LRRTM4: variants seen among roughly 807,000 people sequenced by gnomAD.
LRRTM4 encodes leucine rich repeat transmembrane neuronal 4, also known as leucine-rich repeat transmembrane neuronal protein 4.
LRRTM4 carries 25 observed loss-of-function variants against 47.6 expected under a neutral mutation model. The observed-to-expected ratio is 0.53, with a 90% CI of 0.38 to 0.73. The LOEUF is 0.73. Among genes scored for constraint, LRRTM4 ranks in the 30% least tolerant of loss-of-function variants. LRRTM4 has a pLI of 0.00. For synonymous variants in LRRTM4, 311 were observed against 269.5 expected, an observed-to-expected ratio of 1.15 and a Z score of -1.51; for missense variants, 638 against 713.4, an observed-to-expected ratio of 0.89 and a Z score of 1.20.
intron 3 of LRRTM4, among the ~76,000 whole-genome samples, chr2:77,314,054 T>C (rs1172543856): frequency 6.6e-6 from 1 of 152,174 alleles, no homozygotes; most frequent in African/African-American, 2.4e-5. Context: ...CCTATTTGGC[T>C]AAAGAGGTAA....
chr2:76,821,396 A>C (rs1373151423), intron 3 of LRRTM4, among the ~76,000 whole-genome samples: 2 of 151,696 alleles, frequency 1.3e-5, no homozygotes, highest in Non-Finnish European at 3.0e-5. Context: ...GGTATTATGT[A>C]CACTTGAGGA....
intron 3 of LRRTM4, among the ~76,000 whole-genome samples, chr2:77,223,246 AG>A (rs1176842843): frequency 6.6e-6 from 1 of 152,236 alleles, no homozygotes; most frequent in African/African-American, 2.4e-5. Context: ...ACCCACAGCC[AG>A]TATCATACTG....
intron 3 of LRRTM4, among the ~76,000 whole-genome samples, chr2:77,367,075 A>ATATTCTCT: frequency 6.6e-6 from 1 of 151,800 alleles, no homozygotes; most frequent in Non-Finnish European, 1.5e-5. Flanking sequence ...TCAATCTCTC[A>ATATTCTCT]TATTCTCTAT....
At chr2:77,453,381 C>T (rs984396044) in intron 3 of LRRTM4, among the ~76,000 whole-genome samples, 3 of 151,924 alleles carry the variant, frequency 2.0e-5, no homozygotes, top group Middle Eastern at 3.4e-3. Context: ...CGGGGTTCAC[C>T]GTGTTAGCAA....
intron 3 of LRRTM4, among the ~76,000 whole-genome samples, chr2:76,840,596 TAAAAAA>T (rs1436466513): frequency 6.6e-6 from 1 of 151,638 alleles, no homozygotes; most frequent in Non-Finnish European, 1.5e-5. Flanking sequence ...CAAAAAGACT[TAAAAAA>T]AGAAAAAAAG....
intron 3 of LRRTM4, among the ~76,000 whole-genome samples, chr2:77,344,828 C>T (rs1671503714): frequency 6.6e-6 from 1 of 151,684 alleles, no homozygotes; most frequent in Non-Finnish European, 1.5e-5. Context: ...CTGCGACCCA[C>T]AGAGACAGAC....
chr2:77,084,934 G>A lies in LRRTM4; in HGVS notation c.1552-336018C>T, dbSNP rs542788952. Reference sequence around the variant, plus strand: ...TTTATGCATATGTACATATACATAAGCAATTTTAAATTTCAAAAATCTATT... The same window carrying A: ...TTTATGCATATGTACATATACATAAACAATTTTAAATTTCAAAAATCTATT... On this transcript the variant is annotated intron_variant, in intron 3 of 3. Transcript: ENST00000409884. Among the ~76,000 whole-genome samples the A allele has an allele frequency of 3.3e-5, 5 of 152,176 alleles. No individual in the cohort carries two copies. In the East Asian group the frequency reaches 9.7e-4, roughly 29 times the overall value.
chr2:77,122,340 AT>A (rs1287087460), intron 3 of LRRTM4, among the ~76,000 whole-genome samples: 2 of 151,440 alleles, frequency 1.3e-5, no homozygotes, highest in Non-Finnish European at 3.0e-5. Context: ...ATGATCCTAC[AT>A]TTTTGTCTTT....
At chr2:77,329,365 T>G (rs1280149388) in intron 3 of LRRTM4, among the ~76,000 whole-genome samples, 3 of 152,176 alleles carry the variant, frequency 2.0e-5, no homozygotes, top group Non-Finnish European at 4.4e-5. Flanking sequence ...CTTACATCAT[T>G]AAAATTCTTT....
At chr2:77,157,802 T>G (rs1369125187) in intron 3 of LRRTM4, among the ~76,000 whole-genome samples, 3 of 152,158 alleles carry the variant, frequency 2.0e-5, no homozygotes, top group South Asian at 2.1e-4. Context: ...GGACTCTAGA[T>G]GCAATGGGCT....
At chr2:77,284,597 G>A (rs1290128748) in intron 3 of LRRTM4, among the ~76,000 whole-genome samples, 2 of 151,966 alleles carry the variant, frequency 1.3e-5, no homozygotes, top group African/African-American at 4.8e-5. Context: ...CCAGTCAGAT[G>A]GTATCTGATG....
chr2:76,781,643 C>A (rs529029325), intron 3 of LRRTM4, among the ~76,000 whole-genome samples: 3 of 152,228 alleles, frequency 2.0e-5, no homozygotes, highest in Non-Finnish European at 2.9e-5. Context: ...CACTGACCTG[C>A]GCCCACTGTC....
intron 3 of LRRTM4, among the ~76,000 whole-genome samples, chr2:76,795,066 A>G (rs548460518): frequency 7.2e-5 from 11 of 152,110 alleles, no homozygotes; most frequent in African/African-American, 2.4e-4. Flanking sequence ...AAGCTAAAGT[A>G]AAAATACCTT....
chr2:76,771,411 A>G (rs1220476055), intron 3 of LRRTM4, among the ~76,000 whole-genome samples: 6 of 152,164 alleles, frequency 3.9e-5, no homozygotes, highest in Non-Finnish European at 8.8e-5. Flanking sequence ...TTGAAGCAAA[A>G]TCCCATGAAA....
chr2:77,226,697 A>G (rs1674823092), intron 3 of LRRTM4, among the ~76,000 whole-genome samples: 1 of 152,000 alleles, frequency 6.6e-6, no homozygotes, highest in South Asian at 2.1e-4. Context: ...GTTTGTTTTC[A>G]GGTGTAGATT....
rs759609884 is a variant in LRRTM4, at chr2:77,518,408, G to A, written c.1461C>T (p.Asp487=). Residue 487 remains aspartate, a synonymous_variant, in exon 3 of 4, where the codon GAC becomes GAT. Coordinates refer to ENST00000409884, the MANE Select transcript of LRRTM4 (RefSeq NM_001134745.3). Reference sequence around the variant, plus strand: ...TGGTCTCAGAGTTTGTAGGCTTGTAGTCCACATAATACTCCTGTAAAGGGG... The same window carrying A: ...TGGTCTCAGAGTTTGTAGGCTTGTAATCCACATAATACTCCTGTAAAGGGG... ...MNSPLQEYYV[D]YKPTNSETMD... is the part of the protein sequence containing the mutation. The A allele has an allele frequency of 1.9e-6, 3 of 1,613,100 alleles. No homozygotes were observed. The highest frequency in any genetic ancestry group is 3.3e-5 in the Admixed American group (2 of 59,838).
rs184471668 is a variant in LRRTM4, at chr2:77,421,435, T to C, written c.1551+96883A>G. The stretch of plus-strand genomic sequence containing the variant: ...TGGAAGGAAGAGTCCAGGCCGGGCG[T>C]GGTGGCTCATGCCTATAATCCCAGC... On this transcript the variant is annotated intron_variant, in intron 3 of 3. Transcript: ENST00000409884. 5.0e-3 allele frequency among the ~76,000 whole-genome samples: 755 copies of C among 152,086 alleles called. 5 individuals are homozygous for C. The highest frequency in any genetic ancestry group is 0.017 in the African/African-American group (706 of 41,502).
At chr2:77,177,617 G>C (rs1673235798) in intron 3 of LRRTM4, among the ~76,000 whole-genome samples, 2 of 152,158 alleles carry the variant, frequency 1.3e-5, no homozygotes, top group African/African-American at 4.8e-5. Context: ...GGTTCTCTAA[G>C]AGAAAACTGC....
intron 3 of LRRTM4, among the ~76,000 whole-genome samples, chr2:76,896,148 A>C (rs76782845): frequency 0.095 from 14,486 of 152,020 alleles, 1,134 homozygotes; most frequent in East Asian, 0.41. Context: ...TCATAAAATT[A>C]ATGTAAGTAT....
Sources: gnomAD v4.1 joint callset for allele counts (sites outside exome capture counted in the v4.1 genomes callset) on GRCh38, gnomAD v4.1.1 for gene constraint, MANE v1.5 for transcripts, NCBI Gene and HGNC (gene_info 2026-07-23, HGNC 2026-07-21) for gene names.